The following TENM2 variants were observed in gnomAD, a reference collection of about 807,000 sequenced individuals.
TENM2 encodes teneurin-2.
TENM2 carries 52 observed loss-of-function variants against 245.2 expected under a neutral mutation model. The observed-to-expected ratio is 0.21, with a 90% CI of 0.17 to 0.27. The LOEUF (loss-of-function observed/expected upper bound fraction) is 0.27, where lower values mean the gene tolerates loss of function less well. Ranked by LOEUF, TENM2 falls within the 10% of genes least tolerant of loss-of-function variation. TENM2 has a pLI of 1.00. For missense variants in TENM2, 3,046 were observed against 3,666.8 expected (o/e 0.83, Z 4.37); for synonymous variants, 1,363 against 1,438.9 (o/e 0.95, Z 1.19).
At chr5:167,554,205 G>A (rs978860728) in intron 2 of TENM2, among the ~76,000 whole-genome samples, 5 of 152,168 alleles carry the variant, frequency 3.3e-5, no homozygotes, top group Non-Finnish European at 7.4e-5. Flanking sequence ...AAATAGGAGT[G>A]ACCTTGTTCT....
At chr5:168,131,321 T>C (rs1440365464) in intron 12 of TENM2, among the ~76,000 whole-genome samples, 2 of 152,218 alleles carry the variant, frequency 1.3e-5, no homozygotes, top group Non-Finnish European at 2.9e-5. Flanking sequence ...GTATTTTATC[T>C]ATGTGGTCCT....
chr5:167,263,169 T>G, the TENM2 span, among the ~76,000 whole-genome samples: 4 of 151,278 alleles, frequency 2.6e-5, no homozygotes, highest in Non-Finnish European at 5.9e-5. Context: ...TTTAAGTAAA[T>G]GAACCAATGA....
rs578186844 is a variant in TENM2 at position 167,820,425 on chromosome 5, G to A, written c.503-55561G>A. On this transcript the variant is annotated intron_variant, in intron 2 of 28. Coordinates refer to ENST00000518659, the Ensembl canonical transcript of TENM2. ...AGCCAAACTGGGATCTGAAGCTCCC[G>A]GCTCCCGGCACAGCCTTTGAAATCC... Among the ~76,000 whole-genome samples, 20 of 152,250 alleles carry A rather than the reference G, an allele frequency of 1.3e-4. 1 individual carries two copies. Among genetic ancestry groups the A allele is most frequent in the African/African-American group, 2.4e-4 (10 of 41,556 alleles).
chr5:167,434,278 G>A (rs1021411988), intron 2 of TENM2, among the ~76,000 whole-genome samples: 4 of 151,694 alleles, frequency 2.6e-5, no homozygotes, highest in African/African-American at 4.8e-5. Flanking sequence ...AAAATTAGCT[G>A]GATATGGTGG....
intron 13 of TENM2, among the ~76,000 whole-genome samples, chr5:168,183,422 T>A (rs1007500598): frequency 5.9e-5 from 9 of 152,024 alleles, no homozygotes; most frequent in Non-Finnish European, 1.0e-4. Flanking sequence ...CTGCATACCT[T>A]AGGCATGCCC....
chr5:167,180,619 G>A, the TENM2 span, among the ~76,000 whole-genome samples: 1 of 152,014 alleles, frequency 6.6e-6, no homozygotes, highest in Non-Finnish European at 1.5e-5. Flanking sequence ...ATAGCTTCCT[G>A]TTGAACGGAA....
chr5:167,314,794 G>A (rs1464289112), intron 1 of TENM2, among the ~76,000 whole-genome samples: 2 of 151,846 alleles, frequency 1.3e-5, no homozygotes, highest in Non-Finnish European at 2.9e-5. Context: ...ATATATTAAT[G>A]ATATACACAT....
chr5:168,212,598 A>G (rs1762877297), intron 20 of TENM2, among the ~76,000 whole-genome samples: 1 of 152,198 alleles, frequency 6.6e-6, no homozygotes, highest in African/African-American at 2.4e-5. Flanking sequence ...AATTAGACAA[A>G]AAGTAGAGTC....
At chr5:167,905,661 GTGTT>G (rs1776036250) in intron 3 of TENM2, among the ~76,000 whole-genome samples, 1 of 152,202 alleles carries the variant, frequency 6.6e-6, no homozygotes, top group South Asian at 2.1e-4. Context: ...TGGGATATCT[GTGTT>G]TGAGAAATTC....
intron 6 of TENM2, among the ~76,000 whole-genome samples, chr5:168,050,103 G>A (rs534831526): frequency 6.6e-6 from 1 of 152,306 alleles, no homozygotes; most frequent in South Asian, 2.1e-4. Flanking sequence ...GTGCCCAGCA[G>A]AGACAGACAA....
At chr5:167,671,318 T>C (rs4432913) in intron 2 of TENM2, among the ~76,000 whole-genome samples, 53,051 of 152,058 alleles carry the variant, frequency 0.35, 12,524 homozygotes, top group East Asian at 0.91. Context: ...CATATTTATT[T>C]AGCATAGTCA....
the TENM2 span, among the ~76,000 whole-genome samples, chr5:166,988,575 G>A: frequency 6.6e-6 from 1 of 152,194 alleles, no homozygotes; most frequent in East Asian, 1.9e-4. Flanking sequence ...TCTGTGATCA[G>A]GTCATGTTCT....
chr5:168,210,833 G>A (rs977290163), intron 19 of TENM2, among the ~76,000 whole-genome samples: 6 of 152,042 alleles, frequency 3.9e-5, no homozygotes, highest in African/African-American at 1.2e-4. Context: ...TAGAAGCCTC[G>A]AGAATGGGAG....
the TENM2 span, among the ~76,000 whole-genome samples, chr5:167,147,392 TG>T: frequency 6.6e-6 from 1 of 152,198 alleles, no homozygotes; most frequent in East Asian, 1.9e-4. Flanking sequence ...GATGATTTTT[TG>T]TGGGTATTCG....
intron 1 of TENM2, among the ~76,000 whole-genome samples, chr5:167,342,892 G>A (rs184227243): frequency 5.8e-4 from 86 of 148,728 alleles, no homozygotes; most frequent in African/African-American, 2.1e-3. Context: ...GTCATTATAT[G>A]CAACTCACAC....
At chr5:167,155,944 C>T in the TENM2 span, among the ~76,000 whole-genome samples, 1 of 152,312 alleles carries the variant, frequency 6.6e-6, no homozygotes, top group South Asian at 2.1e-4. Flanking sequence ...TCAGTAACTG[C>T]TTCTGTTGTC....
At chr5:167,153,339 G>A in the TENM2 span, among the ~76,000 whole-genome samples, 141 of 151,808 alleles carry the variant, frequency 9.3e-4, no homozygotes, top group African/African-American at 3.3e-3. Flanking sequence ...AAGTAAGCTA[G>A]GGAAAAAAGT....
chr5:167,246,350 G>A, the TENM2 span, among the ~76,000 whole-genome samples: 1 of 152,004 alleles, frequency 6.6e-6, no homozygotes, highest in Non-Finnish European at 1.5e-5. Flanking sequence ...TACATAAAAT[G>A]GCCACAGGTA....
chr5:167,267,960 T>C, the TENM2 span, among the ~76,000 whole-genome samples: 1 of 152,174 alleles, frequency 6.6e-6, no homozygotes, highest in African/African-American at 2.4e-5. Context: ...AAATGAACTC[T>C]TCAGCTATCA....
Sources: allele counts gnomAD v4.1 joint callset (sites outside exome capture counted in the v4.1 genomes callset), GRCh38; gene constraint gnomAD v4.1.1; transcripts MANE v1.5; gene names NCBI Gene and HGNC (gene_info 2026-07-23, HGNC 2026-07-21).